Variants in KCND2 observed in about 807,000 individuals in gnomAD.
The protein encoded by KCND2 is A-type voltage-gated potassium channel KCND2.
A neutral mutation model predicts 54.4 loss-of-function variants in KCND2; 16 were observed. The observed-to-expected ratio is 0.29, with a 90% CI of 0.20 to 0.45. The LOEUF (loss-of-function observed/expected upper bound fraction) is 0.45. KCND2 is among the 20% of genes least tolerant of loss of function. The pLI is 1.00. For missense variants in KCND2, 486 were observed against 824.2 expected, an observed-to-expected ratio of 0.59 and a Z score of 5.02; for synonymous variants, 317 against 310.7, an observed-to-expected ratio of 1.02 and a Z score of -0.21.
chr7:120,658,307 G>A (rs1009810467), intron 1 of KCND2, among the ~76,000 whole-genome samples: 1 of 152,040 alleles, frequency 6.6e-6, no homozygotes, highest in Non-Finnish European at 1.5e-5. Context: ...CTCTTTCATG[G>A]ATTAGATGAA....
At chr7:120,613,191 T>A (rs1434750174) in intron 1 of KCND2, among the ~76,000 whole-genome samples, 1 of 152,094 alleles carries the variant, frequency 6.6e-6, no homozygotes, top group Non-Finnish European at 1.5e-5. Context: ...AGATCGGTTT[T>A]CGTAACTCTC....
chr7:120,423,967 G>A (rs1010329465), intron 1 of KCND2, among the ~76,000 whole-genome samples: 1 of 152,114 alleles, frequency 6.6e-6, no homozygotes, highest in Non-Finnish European at 1.5e-5. Context: ...TTCTCATTAG[G>A]TTTAGCTATA....
intron 1 of KCND2, among the ~76,000 whole-genome samples, chr7:120,675,074 T>C (rs934397465): frequency 2.6e-5 from 4 of 152,178 alleles, no homozygotes; most frequent in African/African-American, 9.7e-5. Flanking sequence ...TATGAGTTTC[T>C]TTTCCTGTTT....
intron 1 of KCND2, among the ~76,000 whole-genome samples, chr7:120,440,739 G>A (rs1801935254): frequency 6.6e-6 from 1 of 151,932 alleles, no homozygotes; most frequent in Non-Finnish European, 1.5e-5. Context: ...ATGTATTGAA[G>A]AGTGTCCCTT....
chr7:120,623,420 T>C (rs1021050989), intron 1 of KCND2, among the ~76,000 whole-genome samples: 1 of 152,198 alleles, frequency 6.6e-6, no homozygotes, highest in Non-Finnish European at 1.5e-5. Flanking sequence ...CACTGTGCTA[T>C]TGGTGAGCTG....
intron 1 of KCND2, among the ~76,000 whole-genome samples, chr7:120,315,709 A>T (rs940565695): frequency 6.6e-6 from 1 of 151,088 alleles, no homozygotes; most frequent in African/African-American, 2.4e-5. Context: ...CATTGTTGTC[A>T]ATGTAGGGAA....
chr7:120,437,984 C>T lies in KCND2; in HGVS notation c.1115+162237C>T, dbSNP rs532941717. 1.2e-4 allele frequency among the ~76,000 whole-genome samples: 19 copies of T among 152,282 alleles called. No homozygotes were observed. The South Asian group carries it at 3.9e-3, about 32-fold the overall frequency. ...GTTGGAGAGCAGAGATTCTGGGTTG[C>T]AGTACATGATGAAGGTCTGGAAAGT... On this transcript the variant is annotated intron_variant, in intron 1 of 5. Transcript: ENST00000331113.
At chr7:120,623,723 G>T (rs565654132) in intron 1 of KCND2, among the ~76,000 whole-genome samples, 2 of 152,224 alleles carry the variant, frequency 1.3e-5, no homozygotes, top group East Asian at 3.9e-4. Context: ...ATGGATGATA[G>T]AAACAATAAT....
chr7:120,682,164 A>C (rs75624640), intron 1 of KCND2, among the ~76,000 whole-genome samples: 5,193 of 152,028 alleles, frequency 0.034, 204 homozygotes, highest in African/African-American at 0.1. Context: ...TTTCTTTTTT[A>C]CAAGTTAAGG....
intron 1 of KCND2, among the ~76,000 whole-genome samples, chr7:120,717,070 A>G (rs902640242): frequency 1.3e-5 from 2 of 152,248 alleles, no homozygotes; most frequent in Admixed American, 6.5e-5. Context: ...GTAATATCTC[A>G]TTATACTCTA....
chr7:120,658,412 T>C (rs930645244), intron 1 of KCND2, among the ~76,000 whole-genome samples: 2 of 152,214 alleles, frequency 1.3e-5, no homozygotes, highest in African/African-American at 4.8e-5. Context: ...GTTTATGATA[T>C]ACGCAATGTC....
intron 1 of KCND2, among the ~76,000 whole-genome samples, chr7:120,583,657 C>T (rs544954726): frequency 6.6e-6 from 1 of 151,768 alleles, no homozygotes; most frequent in African/African-American, 2.4e-5. Flanking sequence ...ATAAAGACAC[C>T]AATAATATTA....
intron 2 of KCND2, among the ~76,000 whole-genome samples, chr7:120,733,788 T>A (rs1792838177): frequency 6.6e-6 from 1 of 152,046 alleles, no homozygotes. Context: ...CCTCTAAGAA[T>A]AAGCATAGCG....
chr7:120,663,316 A>T (rs1405305005), intron 1 of KCND2, among the ~76,000 whole-genome samples: 1 of 152,170 alleles, frequency 6.6e-6, no homozygotes, highest in Non-Finnish European at 1.5e-5. Context: ...AAAGACCAAA[A>T]TAACAAAAAT....
At chr7:120,349,852 A>C (rs1429321747) in intron 1 of KCND2, among the ~76,000 whole-genome samples, 3 of 152,102 alleles carry the variant, frequency 2.0e-5, no homozygotes, top group African/African-American at 7.2e-5. Flanking sequence ...ACTTTAGTCC[A>C]CTGCAGATGT....
intron 1 of KCND2, among the ~76,000 whole-genome samples, chr7:120,465,195 G>T (rs182764607): frequency 1.3e-5 from 2 of 152,258 alleles, no homozygotes; most frequent in Non-Finnish European, 2.9e-5. Flanking sequence ...TTTAAGGATG[G>T]TGGGAAAGTC....
At chr7:120,736,960 A>G (rs960384975) in intron 2 of KCND2, among the ~76,000 whole-genome samples, 3 of 150,768 alleles carry the variant, frequency 2.0e-5, no homozygotes, top group African/African-American at 7.3e-5. Context: ...CACTACCCAT[A>G]TGTAGTCTGC....
chr7:120,630,835 C>T (rs1403047758), intron 1 of KCND2, among the ~76,000 whole-genome samples: 1 of 152,046 alleles, frequency 6.6e-6, no homozygotes, highest in African/African-American at 2.4e-5. Flanking sequence ...GAAAATTATT[C>T]TTGCCAGAAG....
rs368822681 is a variant in KCND2, at chr7:120,576,041, T to C, written c.1116-156862T>C. Among the ~76,000 whole-genome samples the C allele has an allele frequency of 2.9e-4, 41 of 143,358 alleles. No individual in the cohort carries two copies. The East Asian group carries it at 5.0e-3, about 18-fold the overall frequency. 94.0% of individuals were successfully genotyped at this position (143,358 alleles called of 152,430 possible). The stretch of plus-strand genomic sequence containing the variant: ...TCTCACAACTCTATGCCATTGCTGG[T>C]TTTGAGTGTTATGCATATTGTGGAT... On this transcript the variant is annotated intron_variant, in intron 1 of 5. Coordinates refer to ENST00000331113, the MANE Select transcript of KCND2 (RefSeq NM_012281.3).
Sources: gnomAD v4.1 joint callset for allele counts (sites outside exome capture counted in the v4.1 genomes callset) on GRCh38, gnomAD v4.1.1 for gene constraint, MANE v1.5 for transcripts, NCBI Gene and HGNC (gene_info 2026-07-23, HGNC 2026-07-21) for gene names.